The following PCDHGA5 variants were observed in gnomAD, a reference collection of about 807,000 sequenced individuals.
PCDHGA5 encodes protocadherin gamma-A5.
In PCDHGA5, 36 loss-of-function variants were observed where a neutral mutation model predicts 56.7. The observed-to-expected ratio is 0.64, with a 90% CI of 0.49 to 0.84. PCDHGA5 has a LOEUF of 0.84. Ranked by LOEUF, PCDHGA5 falls within the 40% of genes least tolerant of loss-of-function variation. The pLI, the probability that PCDHGA5 is intolerant of heterozygous loss-of-function variation, is 0.00. For synonymous variants in PCDHGA5, 563 were observed against 520.2 expected (o/e 1.08, Z -1.12); for missense variants, 1,305 against 1,201.5 (o/e 1.09, Z -1.27).
intron 1 of PCDHGA5, chr5:141,476,000 T>A (rs2099383773): frequency 1.6e-6 from 2 of 1,225,380 alleles, no homozygotes; most frequent in African/African-American, 1.5e-5. Flanking sequence ...ATCAACGGCA[T>A]CCAGAAAGCC....
chr5:141,448,166 A>G (rs1475687778), intron 1 of PCDHGA5, among the ~76,000 whole-genome samples: 2 of 151,978 alleles, frequency 1.3e-5, no homozygotes, highest in Non-Finnish European at 2.9e-5. Context: ...AAAGATCACT[A>G]CTATTCATCC....
At position 141,403,695 on chromosome 5, in the gene PCDHGA5, G is replaced by T. The variant is rs376074779; in HGVS notation, c.2421+36944G>T. On this transcript the variant is annotated intron_variant, in intron 1 of 3. Transcript: ENST00000518069. ...CCGGTTTTTGCTCAACGGATTTACC[G>T]AGTTAAAGTCCTTGAGAACGTGCCC... The T allele has an allele frequency of 2.9e-5, 46 of 1,613,780 alleles. No individual in the cohort carries two copies. The highest frequency in any genetic ancestry group is 3.7e-5 in the Non-Finnish European group (44 of 1,179,906).
intron 1 of PCDHGA5, among the ~76,000 whole-genome samples, chr5:141,479,060 T>G (rs980468382): frequency 5.9e-5 from 9 of 152,248 alleles, no homozygotes; most frequent in Non-Finnish European, 1.3e-4. Context: ...CAGATAATTT[T>G]TTATGAATGA....
chr5:141,455,795 C>T (rs1251703490), intron 1 of PCDHGA5, among the ~76,000 whole-genome samples: 1 of 151,960 alleles, frequency 6.6e-6, no homozygotes, highest in African/African-American at 2.4e-5. Flanking sequence ...TCCGGAGATG[C>T]TTTAAAAAAT....
chr5:141,405,331 C>G (rs1561699778), intron 1 of PCDHGA5: 1 of 1,614,186 alleles, frequency 6.2e-7, no homozygotes, highest in Non-Finnish European at 8.5e-7. Flanking sequence ...CTTTGTGCGT[C>G]TCTGTTGATT....
At chr5:141,443,054 A>G (rs1591749542) in intron 1 of PCDHGA5, among the ~76,000 whole-genome samples, 1 of 152,218 alleles carries the variant, frequency 6.6e-6, no homozygotes. Flanking sequence ...TTATTGTTCC[A>G]CTGAAGAGCG....
intron 1 of PCDHGA5, chr5:141,416,489 G>A (rs2096031582): frequency 1.3e-5 from 2 of 152,158 alleles, no homozygotes; most frequent in Admixed American, 1.3e-4. Context: ...GAGAACAGGA[G>A]CAAGAGATAT....
At chr5:141,478,428 C>G in intron 1 of PCDHGA5, 1 of 1,613,746 alleles carries the variant, frequency 6.2e-7, no homozygotes. Flanking sequence ...CGCAGCGACC[C>G]GCTGCTGAAG....
rs781674344 is a variant in PCDHGA5 at position 141,364,976 on chromosome 5, G to A, written c.646G>A (p.Asp216Asn). ...TCACGACCTCCTCCTCACAGCTTTA[G>A]ATGGCGGAGACCCGGTACTCTCCGG... ...TVHDLLLTAL[D>N]GGDPVLSGTT... The change falls in exon 1 of 4, where the codon GAT (aspartate) becomes AAT (asparagine). Residue 216 changes from aspartate (D) to asparagine (N), a missense_variant. Transcript: ENST00000518069. 1 of 1,613,902 alleles carries A rather than the reference G, an allele frequency of 6.2e-7. No individual in the cohort carries two copies. Among genetic ancestry groups the A allele is most frequent in the Middle Eastern group, 1.6e-4 (1 of 6,062 alleles).
At chr5:141,459,885 C>A (rs1333668105) in intron 1 of PCDHGA5, among the ~76,000 whole-genome samples, 1 of 152,106 alleles carries the variant, frequency 6.6e-6, no homozygotes, top group East Asian at 1.9e-4. Flanking sequence ...CTGAGCTGAA[C>A]GCCTTCTTAA....
chr5:141,421,467 G>T (rs1436543181), intron 1 of PCDHGA5: 1 of 1,614,132 alleles, frequency 6.2e-7, no homozygotes, highest in South Asian at 1.1e-5. Flanking sequence ...CTGTGAATCC[G>T]CGAAGCGGCA....
intron 1 of PCDHGA5, chr5:141,478,529 A>G: frequency 6.2e-7 from 1 of 1,609,580 alleles, no homozygotes; most frequent in Non-Finnish European, 8.5e-7. Flanking sequence ...GGGTGCAGAG[A>G]GCGCCCCTCC....
At position 141,383,756 on chromosome 5, in the gene PCDHGA5, C is replaced by T. The variant is rs62620755; in HGVS notation, c.2421+17005C>T. 6.8e-6 allele frequency: 11 copies of T among 1,613,838 alleles called. No homozygotes were observed. Among genetic ancestry groups the T allele is most frequent in the East Asian group, 2.2e-5 (1 of 44,890 alleles). ...ACATATTCTTTTCGGAAAATAACTC[C>T]TAAACTTCCAAAGATGTTTCATCTG... On this transcript the variant is annotated intron_variant, in intron 1 of 3. Coordinates refer to ENST00000518069, the MANE Select transcript of PCDHGA5 (RefSeq NM_018918.3).
intron 1 of PCDHGA5, chr5:141,427,723 G>T: frequency 8.9e-7 from 1 of 1,127,490 alleles, no homozygotes; most frequent in East Asian, 2.4e-5. Flanking sequence ...CTGGACCTAG[G>T]GCTGAATGGC....
intron 1 of PCDHGA5, chr5:141,375,050 G>A: frequency 6.2e-7 from 1 of 1,614,046 alleles, no homozygotes; most frequent in Non-Finnish European, 8.5e-7. Flanking sequence ...TGAAGCCCGG[G>A]ATGGGCCAGG....
Position 141,477,388 on chromosome 5 carries a change from C to T in PCDHGA5, c.2422-17419C>T. The T allele has an allele frequency of 6.2e-7, 1 of 1,614,136 alleles. No homozygotes were observed. The highest frequency in any genetic ancestry group is 8.5e-7 in the Non-Finnish European group (1 of 1,180,014). On this transcript the variant is annotated intron_variant, in intron 1 of 3. Transcript: ENST00000518069. The surrounding 1 kb of genome is among the most constrained non-coding windows in gnomAD (Gnocchi z 4.9). Reference sequence around the variant, plus strand: ...ATCGGGAGACTGTGCCAGAATACAACCTCAGCATCACCGCCCGAGACGCCG... The same window carrying T: ...ATCGGGAGACTGTGCCAGAATACAATCTCAGCATCACCGCCCGAGACGCCG...
At chr5:141,443,872 A>C (rs1446612063) in intron 1 of PCDHGA5, among the ~76,000 whole-genome samples, 4 of 152,212 alleles carry the variant, frequency 2.6e-5, no homozygotes, top group African/African-American at 9.7e-5. Flanking sequence ...AAAATTACTG[A>C]TAAGTCAAGA....
intron 1 of PCDHGA5, chr5:141,374,321 C>T (rs763545631): frequency 8.7e-6 from 14 of 1,613,942 alleles, no homozygotes; most frequent in Non-Finnish European, 5.1e-6. Context: ...TCTGAATCCG[C>T]GAAACGGCAG....
At chr5:141,393,664 T>G in intron 1 of PCDHGA5, 1 of 1,613,772 alleles carries the variant, frequency 6.2e-7, no homozygotes, top group Non-Finnish European at 8.5e-7. Flanking sequence ...TTCCGGAAAA[T>G]TAATGAAAAA....
Sources: allele counts gnomAD v4.1 joint callset (sites outside exome capture counted in the v4.1 genomes callset), GRCh38; gene constraint gnomAD v4.1.1; non-coding constraint Gnocchi (gnomAD v3.1); transcripts MANE v1.5; gene names NCBI Gene and HGNC (gene_info 2026-07-23, HGNC 2026-07-21).